The following COL4A5 variants were observed in gnomAD, a reference collection of about 807,000 sequenced individuals.
The protein encoded by COL4A5 is collagen type IV alpha 5 chain, also known as collagen alpha-5(IV) chain.
COL4A5 carries 26 observed loss-of-function variants against 130.2 expected under a neutral mutation model. That is an observed-to-expected ratio of 0.20 (90% CI 0.15 to 0.28). The LOEUF (loss-of-function observed/expected upper bound fraction) is 0.28, where lower values mean the gene tolerates loss of function less well. COL4A5 is among the 10% of genes least tolerant of loss of function. The pLI, the probability that COL4A5 is intolerant of heterozygous loss-of-function variation, is 1.00. For synonymous variants in COL4A5, 496 were observed against 439.6 expected, an observed-to-expected ratio of 1.13 and a Z score of -1.60; for missense variants, 1,131 against 1,344.3, an observed-to-expected ratio of 0.84 and a Z score of 2.48.
chrX:108,539,733 C>G lies in COL4A5; in HGVS notation c.82-13C>G. The G allele has an allele frequency of 8.3e-7, 1 of 1,201,998 alleles. No individual in the cohort carries two copies. On this transcript the variant is annotated splice_polypyrimidine_tract_variant and intron_variant, in intron 1 of 52. Coordinates refer to ENST00000328300, the MANE Select transcript of COL4A5 (RefSeq NM_033380.3). The stretch of plus-strand genomic sequence containing the variant: ...ATATTTAATGATTTTTTCCCTCTTT[C>G]TCTTCCTTATAGGCTTGCTATGGGT...
intron 1 of COL4A5, among the ~76,000 whole-genome samples, chrX:108,473,605 A>ATG (rs2064797766): frequency 2.2e-5 from 1 of 46,337 alleles, no homozygotes; most frequent in Non-Finnish European, 4.7e-5. Context: ...TTATATATAT[A>ATG]TATATATGTA....
chrX:108,523,268 T>C (rs2065282368), intron 1 of COL4A5, among the ~76,000 whole-genome samples: 1 of 112,104 alleles, frequency 8.9e-6, no homozygotes, highest in Non-Finnish European at 1.9e-5. Flanking sequence ...AATTTCTATG[T>C]ATAGTGTGTA....
chrX:108,651,324 A>G (rs73636560), intron 36 of COL4A5, among the ~76,000 whole-genome samples: 11,545 of 111,796 alleles, frequency 0.1, 1,282 homozygotes, highest in African/African-American at 0.33. Context: ...GATGAATTGT[A>G]CGGTATATAA....
chrX:108,634,891 A>G (rs531416807), intron 36 of COL4A5, among the ~76,000 whole-genome samples: 37 of 111,144 alleles, frequency 3.3e-4, no homozygotes, highest in Middle Eastern at 4.6e-3. Flanking sequence ...TGAAACAAAG[A>G]GTACCCATAT....
intron 2 of COL4A5, among the ~76,000 whole-genome samples, chrX:108,556,575 G>T (rs937209711): frequency 1.2e-4 from 13 of 110,922 alleles, no homozygotes; most frequent in East Asian, 2.8e-4. Flanking sequence ...GCATAAACCG[G>T]TTTTTTTTAA....
rs752532323 is a variant in COL4A5, at chrX:108,602,096, T to G, written c.2146+107T>G. ...AAATATATTAATTGCACCTTTTTTC[T>G]CTGTGCTATAAAGAATGTAAATAAA... On this transcript the variant is annotated intron_variant, in intron 27 of 52. Transcript: ENST00000328300. 2.1e-5 allele frequency: 10 copies of G among 486,782 alleles called. No individual in the cohort carries two copies. The East Asian group carries it at 4.0e-4, about 20-fold the overall frequency. The allele number at this position is 486,782 out of a possible 1,213,427, so 40.1% of individuals were successfully genotyped here.
intron 50 of COL4A5, 151 bp downstream of exon 50, chrX:108,693,076 C>A: frequency 1.5e-6 from 1 of 673,555 alleles, no homozygotes. Context: ...TAGTTTGACT[C>A]ATATTTATTG....
chrX:108,612,076 A>G (rs766064394), intron 29 of COL4A5, among the ~76,000 whole-genome samples: 3 of 111,701 alleles, frequency 2.7e-5, no homozygotes, highest in Non-Finnish European at 5.7e-5. Flanking sequence ...CCTGAAAATT[A>G]TTTGATAAGT....
At chrX:108,600,322 A>C (rs1043889206) in intron 25 of COL4A5, among the ~76,000 whole-genome samples, 9 of 111,834 alleles carry the variant, frequency 8.0e-5, no homozygotes, top group African/African-American at 2.6e-4. Context: ...TTCAATGAGC[A>C]GAAAACAACT....
intron 1 of COL4A5, among the ~76,000 whole-genome samples, chrX:108,469,278 A>G (rs1286845826): frequency 9.6e-6 from 1 of 104,098 alleles, no homozygotes; most frequent in Non-Finnish European, 1.9e-5. Flanking sequence ...AGCTGGGACT[A>G]CAGGCACCTG....
chrX:108,536,381 T>C (rs1420272329), intron 1 of COL4A5, among the ~76,000 whole-genome samples: 1 of 110,870 alleles, frequency 9.0e-6, no homozygotes, highest in East Asian at 2.8e-4. Context: ...TGTTTTACTG[T>C]GTGATAATAC....
At chrX:108,659,797 G>A (rs1481010609) in intron 37 of COL4A5, among the ~76,000 whole-genome samples, 2 of 110,213 alleles carry the variant, frequency 1.8e-5, no homozygotes, top group Non-Finnish European at 3.8e-5. Flanking sequence ...ATGTTTTTTA[G>A]GAATAAAATG....
chrX:108,560,311 T>C (rs2065881991), intron 3 of COL4A5, among the ~76,000 whole-genome samples: 1 of 112,301 alleles, frequency 8.9e-6, no homozygotes, highest in African/African-American at 3.2e-5. Flanking sequence ...CCAGTTTTCA[T>C]TGATCTAGGT....
At chrX:108,670,860 A>T (rs1381479456) in intron 42 of COL4A5, among the ~76,000 whole-genome samples, 1 of 110,875 alleles carries the variant, frequency 9.0e-6, no homozygotes, top group Admixed American at 9.6e-5. Context: ...TGACCAATAT[A>T]GTGAAACCCC....
At chrX:108,465,438 G>T (rs192743410) in intron 1 of COL4A5, among the ~76,000 whole-genome samples, 4 of 111,049 alleles carry the variant, frequency 3.6e-5, no homozygotes, top group Admixed American at 2.9e-4. Context: ...TCAAAAGTTG[G>T]ATTACTTGCC....
chrX:108,695,821 A>T (rs2068724085), intron 52 of COL4A5: 1 of 246,132 alleles, frequency 4.1e-6, no homozygotes, highest in African/African-American at 2.8e-5. Flanking sequence ...AAAGATTCTC[A>T]TTTAAGGGTT....
intron 28 of COL4A5, among the ~76,000 whole-genome samples, chrX:108,606,178 A>G: frequency 8.9e-6 from 1 of 112,182 alleles, no homozygotes; most frequent in African/African-American, 3.2e-5. Flanking sequence ...TTTTCAAATG[A>G]AAATAAAAGT....
intron 1 of COL4A5, among the ~76,000 whole-genome samples, chrX:108,467,128 T>G (rs1452359061): frequency 8.9e-6 from 1 of 112,097 alleles, no homozygotes; most frequent in African/African-American, 3.2e-5. Context: ...GTTATCTCTA[T>G]GTTTTATTAT....
intron 36 of COL4A5, among the ~76,000 whole-genome samples, chrX:108,643,639 A>G (rs2067513728): frequency 8.9e-6 from 1 of 111,842 alleles, no homozygotes; most frequent in African/African-American, 3.3e-5. Context: ...AAGGAAAGAT[A>G]CAGTTGTTTT....
Sources: allele counts gnomAD v4.1 joint callset (sites outside exome capture counted in the v4.1 genomes callset), GRCh38; gene constraint gnomAD v4.1.1; transcripts MANE v1.5; gene names NCBI Gene and HGNC (gene_info 2026-07-23, HGNC 2026-07-21).